The following GSG1L2 variants were observed in gnomAD, a reference collection of about 807,000 sequenced individuals.
GSG1L2 encodes the protein germ cell-specific gene 1-like protein 2.
In GSG1L2, 15 loss-of-function variants were observed where a neutral mutation model predicts 9.0. The observed-to-expected ratio is 1.67, with a 90% CI of 1.12 to 2.57. The LOEUF is 2.57. Among genes scored for constraint, GSG1L2 ranks in the 30% most tolerant of loss-of-function variants. The probability of loss-of-function intolerance (pLI) is 0.00; values close to 1 mark genes in which losing one functional copy is unlikely to be tolerated. For missense variants in GSG1L2, 286 were observed against 150.3 expected (o/e 1.90, Z -4.72); for synonymous variants, 127 against 57.9 (o/e 2.19, Z -5.41).
intron 3 of GSG1L2, among the ~76,000 whole-genome samples, chr17:9,808,211 G>T (rs1303531848): frequency 6.6e-6 from 1 of 152,084 alleles, no homozygotes; most frequent in Non-Finnish European, 1.5e-5. Context: ...GAAGTCATTT[G>T]TTCAGGGTTC....
At chr17:9,809,881 G>C (rs2066532741) in intron 2 of GSG1L2, 1 of 152,286 alleles carries the variant, frequency 6.6e-6, no homozygotes, top group Admixed American at 6.5e-5. Flanking sequence ...CAAACATGGG[G>C]GTGGAGGGTC....
At chr17:9,811,568 G>A (rs1189709276) in intron 1 of GSG1L2, among the ~76,000 whole-genome samples, 2 of 152,160 alleles carry the variant, frequency 1.3e-5, no homozygotes, top group Admixed American at 6.5e-5. Context: ...TGAGACCATG[G>A]CAAGTCACTC....
chr17:9,809,131 G>A (rs1467907472), intron 2 of GSG1L2, 149 bp from the exon 3 acceptor site: 1 of 617,012 alleles, frequency 1.6e-6, no homozygotes, highest in Non-Finnish European at 2.9e-6. Flanking sequence ...CTGAATCTTA[G>A]CTGGCAATGG....
chr17:9,813,143 A>G (rs1597942778), intron 1 of GSG1L2, among the ~76,000 whole-genome samples: 2 of 152,214 alleles, frequency 1.3e-5, no homozygotes, highest in Admixed American at 1.3e-4. Context: ...GTGTGCAAGC[A>G]TACGCTTCTG....
chr17:9,811,598 T>G (rs1250372845), intron 1 of GSG1L2, among the ~76,000 whole-genome samples: 1 of 152,202 alleles, frequency 6.6e-6, no homozygotes. Flanking sequence ...CTGTCCCAGC[T>G]GAGTGTCCTG....
chr17:9,816,067 C>T (rs1567711066), intron 1 of GSG1L2, among the ~76,000 whole-genome samples: 2 of 152,150 alleles, frequency 1.3e-5, no homozygotes, highest in Non-Finnish European at 2.9e-5. Flanking sequence ...GAAGAGTCCT[C>T]CCCAGCAAGA....
rs1042506304 is a variant in GSG1L2 at position 9,802,754 on chromosome 17, C to T, written c.624-110G>A. 6.3e-6 allele frequency: 4 copies of T among 632,726 alleles called. No homozygotes were observed. The African/African-American group carries it at 7.3e-5, about 12-fold the overall frequency. The allele number at this position is 632,726 out of a possible 1,614,324, so 39.2% of individuals were successfully genotyped here. On this transcript the variant is annotated intron_variant, in intron 4 of 4. Coordinates refer to ENST00000399363, the MANE Select transcript of GSG1L2 (RefSeq NM_001310219.2). ...GAGAAAACAACAGCTCCTCGTTCTA[C>T]TCAGTTTGGACCTGCATTTTGGATC...
chr17:9,808,653 A>C (rs981190538), intron 3 of GSG1L2, 177 bp downstream of exon 3: 11 of 571,346 alleles, frequency 1.9e-5, no homozygotes, highest in African/African-American at 1.9e-4. Context: ...TGTCACCCTA[A>C]AAATATTGTC....
rs1261802701 is a variant in GSG1L2, at chr17:9,800,716, T to G, written c.*1670A>C. Among the ~76,000 whole-genome samples the G allele has an allele frequency of 6.6e-6, 1 of 152,242 alleles. No individual in the cohort carries two copies. Among genetic ancestry groups the G allele is most frequent in the Non-Finnish European group, 1.5e-5 (1 of 68,044 alleles). On this transcript the variant is annotated 3_prime_UTR_variant, in exon 5 of 5. Transcript: ENST00000399363. Reference sequence around the variant, plus strand: ...TCTCTCTCCAGTGTATTTCATTCCCTGTAAGATGAGACTTTGACCTGATAT... The same window carrying G: ...TCTCTCTCCAGTGTATTTCATTCCCGGTAAGATGAGACTTTGACCTGATAT...
In GSG1L2 at chr17:9,821,750, G is replaced by C. The variant is rs1320295158; in HGVS notation, c.310+12C>G. 1 of 702,020 alleles carries C rather than the reference G, an allele frequency of 1.4e-6. No individual in the cohort carries two copies. The highest frequency in any genetic ancestry group is 2.6e-6 in the Non-Finnish European group (1 of 384,060). The allele number at this position is 702,020 out of a possible 1,614,324, so 43.5% of individuals were successfully genotyped here. A position where few individuals can be genotyped will look rare whatever the true frequency, so the allele number is the denominator to read the frequency against. Reference sequence around the variant, plus strand: ...GCACCTGTCTTCCCCAGAATCTACAGGCTTTGCTCACCTTCACCGTTGAGG... The same window carrying C: ...GCACCTGTCTTCCCCAGAATCTACACGCTTTGCTCACCTTCACCGTTGAGG... On this transcript the variant is annotated intron_variant, in intron 1 of 4. Transcript: ENST00000399363.
intron 1 of GSG1L2, among the ~76,000 whole-genome samples, chr17:9,821,248 C>T (rs192574645): frequency 6.6e-6 from 1 of 152,234 alleles, no homozygotes; most frequent in Non-Finnish European, 1.5e-5. Context: ...ATTCCTCCCT[C>T]CTCAATTCTT....
At position 9,811,799 on chromosome 17, in the gene GSG1L2, C is replaced by G. The variant is rs375280834; in HGVS notation, c.311-1181G>C. On this transcript the variant is annotated intron_variant, in intron 1 of 4. Transcript: ENST00000399363. ...TGTTAGAGCTCAGGGCTGCAGAGCC[C>G]GGGCCCAGCGCTGTCCCGCTACATC... 1.4e-3 allele frequency among the ~76,000 whole-genome samples: 216 copies of G among 152,292 alleles called. 2 individuals are homozygous for G. The highest frequency in any genetic ancestry group is 4.7e-3 in the African/African-American group (197 of 41,562).
chr17:9,806,813 A>C (rs1009613216), intron 4 of GSG1L2, among the ~76,000 whole-genome samples: 6 of 152,220 alleles, frequency 3.9e-5, no homozygotes, highest in African/African-American at 1.4e-4. Context: ...TCAGACTGGG[A>C]AGACGAAGAC....
intron 4 of GSG1L2, among the ~76,000 whole-genome samples, chr17:9,807,067 A>C (rs1046504765): frequency 2.6e-5 from 4 of 152,340 alleles, no homozygotes; most frequent in Middle Eastern, 3.4e-3. Context: ...GTCTTGGATA[A>C]TATGGTCGAG....
intron 1 of GSG1L2, among the ~76,000 whole-genome samples, chr17:9,818,696 G>A (rs975023441): frequency 6.6e-6 from 1 of 151,716 alleles, no homozygotes; most frequent in African/African-American, 2.4e-5. Context: ...CTATTGCAAG[G>A]ACAGCACCAA....
chr17:9,818,418 C>T (rs930287738), intron 1 of GSG1L2, among the ~76,000 whole-genome samples: 3 of 151,842 alleles, frequency 2.0e-5, no homozygotes, highest in Non-Finnish European at 4.4e-5. Context: ...ACTGCAACCT[C>T]CGCCTCCTGG....
At chr17:9,811,610 A>T (rs192039256) in intron 1 of GSG1L2, among the ~76,000 whole-genome samples, 2 of 152,234 alleles carry the variant, frequency 1.3e-5, no homozygotes, top group Admixed American at 1.3e-4. Context: ...AGTGTCCTGC[A>T]CTCTCTCTAC....
intron 2 of GSG1L2, 71 bp from the exon 3 acceptor site, chr17:9,809,053 G>A: frequency 1.5e-6 from 1 of 681,122 alleles, no homozygotes; most frequent in East Asian, 2.7e-5. Flanking sequence ...TCAATCCTTT[G>A]ATTTAGTTCA....
rs1002460875 is a variant in GSG1L2 at position 9,821,853 on chromosome 17, C to T, written c.219G>A (p.Leu73=). 3.3e-5 allele frequency: 23 copies of T among 703,304 alleles called. No individual in the cohort carries two copies. Among genetic ancestry groups the T allele is most frequent in the Admixed American group, 2.0e-4 (10 of 50,006 alleles). 43.6% of individuals were successfully genotyped at this position (703,304 alleles called of 1,614,324 possible). A position where few individuals can be genotyped will look rare whatever the true frequency, so the allele number is the denominator to read the frequency against. The change falls in exon 1 of 5, where the codon CTG becomes CTA. Residue 73 remains leucine (L), a synonymous_variant. Coordinates refer to ENST00000399363, the MANE Select transcript of GSG1L2 (RefSeq NM_001310219.2). ...GRMDNNSQAV[L]YIWELGDDKF... is the part of the protein sequence containing the mutation. Reference sequence around the variant, plus strand: ...TGTCATCACCCAGCTCCCAAATGTACAGGACAGCCTGGCTATTGTTGTCCA... The same window carrying T: ...TGTCATCACCCAGCTCCCAAATGTATAGGACAGCCTGGCTATTGTTGTCCA...
Sources: gnomAD v4.1 joint callset for allele counts (sites outside exome capture counted in the v4.1 genomes callset) on GRCh38, gnomAD v4.1.1 for gene constraint, MANE v1.5 for transcripts, NCBI Gene and HGNC (gene_info 2026-07-23, HGNC 2026-07-21) for gene names.